The following MAGI1 variants were observed in gnomAD, a reference collection of about 807,000 sequenced individuals.
MAGI1 encodes membrane associated guanylate kinase, WW and PDZ domain containing 1, also known as membrane-associated guanylate kinase, WW and PDZ domain-containing protein 1.
MAGI1 carries 58 observed loss-of-function variants against 139.9 expected under a neutral mutation model. That is an observed-to-expected ratio of 0.41 (90% CI 0.34 to 0.52). The LOEUF is 0.52. Ranked by LOEUF, MAGI1 falls within the 20% of genes least tolerant of loss-of-function variation. The pLI is 0.12. For missense variants in MAGI1, 1,874 were observed against 1,901.6 expected (o/e 0.99, Z 0.27); for synonymous variants, 812 against 737.9 (o/e 1.10, Z -1.63).
chr3:65,837,144 C>A (rs911498263), intron 1 of MAGI1, among the ~76,000 whole-genome samples: 3 of 152,080 alleles, frequency 2.0e-5, no homozygotes, highest in Non-Finnish European at 4.4e-5. Context: ...AAACACAGAA[C>A]TTGCTTCTCC....
chr3:65,663,018 C>G (rs1262322767), intron 1 of MAGI1, among the ~76,000 whole-genome samples: 2 of 152,156 alleles, frequency 1.3e-5, no homozygotes, highest in African/African-American at 4.8e-5. Context: ...CAAGAAGACC[C>G]TGTTTCAAAG....
At position 65,354,643 on chromosome 3, in the gene MAGI1, T is replaced by C. The variant is rs927806540; in HGVS notation, c.*1735A>G. The C allele has an allele frequency of 7.9e-5, 12 of 152,660 alleles. No homozygotes were observed. Among genetic ancestry groups the C allele is most frequent in the African/African-American group, 2.9e-4 (12 of 41,466 alleles). The allele number at this position is 152,660 out of a possible 1,614,324, so 9.5% of individuals were successfully genotyped here. A position where few individuals can be genotyped will look rare whatever the true frequency, so the allele number is the denominator to read the frequency against. ...CTAAAGCTTTAGAGAATTACTTATA[T>C]AGTCTCCCATTTTAAAACAACTTTA... On this transcript the variant is annotated 3_prime_UTR_variant, in exon 23 of 23. Transcript: ENST00000402939.
intron 1 of MAGI1, among the ~76,000 whole-genome samples, chr3:65,913,818 G>T (rs1030958463): frequency 2.6e-5 from 4 of 152,204 alleles, no homozygotes; most frequent in African/African-American, 9.6e-5. Context: ...CGTATTTTTT[G>T]AAGGCAATGT....
intron 1 of MAGI1, among the ~76,000 whole-genome samples, chr3:65,788,147 A>G (rs2039521631): frequency 6.6e-6 from 1 of 152,226 alleles, no homozygotes; most frequent in Non-Finnish European, 1.5e-5. Flanking sequence ...ACATAAAACA[A>G]TGATGAAAAA....
intron 1 of MAGI1, among the ~76,000 whole-genome samples, chr3:65,777,799 A>G (rs1253444304): frequency 2.6e-5 from 4 of 152,180 alleles, no homozygotes; most frequent in Admixed American, 6.5e-5. Context: ...CGTGTGAACA[A>G]TTTGTAAATG....
At chr3:65,482,293 T>C (rs149373739) in intron 3 of MAGI1, among the ~76,000 whole-genome samples, 1 of 152,248 alleles carries the variant, frequency 6.6e-6, no homozygotes, top group Non-Finnish European at 1.5e-5. Flanking sequence ...CTTTAACCTA[T>C]GCTGAAGTCT....
At chr3:65,692,680 T>C (rs1004937371) in intron 1 of MAGI1, among the ~76,000 whole-genome samples, 4 of 152,100 alleles carry the variant, frequency 2.6e-5, no homozygotes, top group African/African-American at 9.7e-5. Context: ...TGGCAAGTGA[T>C]TGGGTCATGA....
chr3:65,859,351 T>C (rs1444946061), intron 1 of MAGI1, among the ~76,000 whole-genome samples: 1 of 151,768 alleles, frequency 6.6e-6, no homozygotes, highest in African/African-American at 2.4e-5. Flanking sequence ...GCACCTGCAT[T>C]AGACCCCTAC....
At chr3:65,616,741 C>A (rs189216730) in intron 2 of MAGI1, among the ~76,000 whole-genome samples, 1 of 152,318 alleles carries the variant, frequency 6.6e-6, no homozygotes, top group East Asian at 1.9e-4. Context: ...CTCTCAAGTT[C>A]ATGAGTTATG....
At chr3:65,822,475 T>C (rs752274695) in intron 1 of MAGI1, among the ~76,000 whole-genome samples, 2 of 151,774 alleles carry the variant, frequency 1.3e-5, no homozygotes, top group African/African-American at 2.4e-5. Context: ...TCGCAGTGAG[T>C]TGAGATGGCA....
chr3:65,916,908 A>G (rs2061935899), intron 1 of MAGI1, among the ~76,000 whole-genome samples: 1 of 152,210 alleles, frequency 6.6e-6, no homozygotes, highest in Admixed American at 6.5e-5. Context: ...CTCATTGTAT[A>G]CTTTTTAAAA....
At chr3:65,701,406 C>T (rs765206729) in intron 1 of MAGI1, among the ~76,000 whole-genome samples, 5 of 152,108 alleles carry the variant, frequency 3.3e-5, no homozygotes, top group Non-Finnish European at 7.4e-5. Flanking sequence ...GCATGCACCA[C>T]CACACCCAGC....
Position 65,803,551 on chromosome 3 carries a change from T to C in MAGI1, c.314-181463A>G, listed in dbSNP as rs187012082. Among the ~76,000 whole-genome samples the C allele has an allele frequency of 1.5e-3, 228 of 152,288 alleles. 1 individual carries two copies. Among genetic ancestry groups the C allele is most frequent in the Non-Finnish European group, 2.4e-3 (162 of 68,016 alleles). On this transcript the variant is annotated intron_variant, in intron 1 of 22. Transcript: ENST00000402939. ...GTCAGCAGGAAAAATAATTTCTTTT[T>C]TGTTTTAATTTTAGGTTCAGGGGTA...
rs117208671 is a variant in MAGI1, at chr3:65,922,260, G to A, written c.313+115736C>T. Among the ~76,000 whole-genome samples, 202 of 152,234 alleles carry A rather than the reference G, an allele frequency of 1.3e-3. 1 individual carries two copies. In the East Asian group the frequency reaches 0.021, roughly 16 times the overall value. ...CAAGAGATAAAACCTGGTATACCGG[G>A]GTTGAATAGCATCCCCTCAAAGTTC... On this transcript the variant is annotated intron_variant, in intron 1 of 22. Transcript: ENST00000402939.
At chr3:65,885,586 TG>T (rs2060497873) in intron 1 of MAGI1, among the ~76,000 whole-genome samples, 1 of 151,940 alleles carries the variant, frequency 6.6e-6, no homozygotes, top group Non-Finnish European at 1.5e-5. Flanking sequence ...ACCTTAATCA[TG>T]GGGGTGGGTT....
intron 1 of MAGI1, among the ~76,000 whole-genome samples, chr3:65,622,988 T>C (rs2083765704): frequency 6.6e-6 from 1 of 152,204 alleles, no homozygotes; most frequent in Non-Finnish European, 1.5e-5. Context: ...TAGATTTTCA[T>C]GGGTTGACAT....
chr3:65,401,013 G>C (rs888490928), intron 13 of MAGI1, among the ~76,000 whole-genome samples: 1 of 151,964 alleles, frequency 6.6e-6, no homozygotes, highest in Admixed American at 6.6e-5. Context: ...GGAGAGAATG[G>C]GTAGACATGT....
At chr3:65,914,970 A>C (rs1334662405) in intron 1 of MAGI1, among the ~76,000 whole-genome samples, 1 of 152,242 alleles carries the variant, frequency 6.6e-6, no homozygotes, top group Non-Finnish European at 1.5e-5. Flanking sequence ...AGCTCTCAGC[A>C]TGTAGTAGGC....
At chr3:65,762,628 T>C (rs1477451076) in intron 1 of MAGI1, among the ~76,000 whole-genome samples, 6 of 152,198 alleles carry the variant, frequency 3.9e-5, no homozygotes. Flanking sequence ...CAATAATTAC[T>C]TTGTTTCTAT....
Sources: gnomAD v4.1 joint callset for allele counts (sites outside exome capture counted in the v4.1 genomes callset) on GRCh38, gnomAD v4.1.1 for gene constraint, MANE v1.5 for transcripts, NCBI Gene and HGNC (gene_info 2026-07-23, HGNC 2026-07-21) for gene names.